The following NPAS3 variants were observed in gnomAD, a reference collection of about 807,000 sequenced individuals.
NPAS3 encodes neuronal PAS domain protein 3.
A neutral mutation model predicts 73.1 loss-of-function variants in NPAS3; 14 were observed. That is an observed-to-expected ratio of 0.19 (90% CI 0.13 to 0.30). The LOEUF (loss-of-function observed/expected upper bound fraction) is 0.30, where lower values mean the gene tolerates loss of function less well. Among genes scored for constraint, NPAS3 ranks in the 10% least tolerant of loss-of-function variants. The pLI, the probability that NPAS3 is intolerant of heterozygous loss-of-function variation, is 1.00. For synonymous variants in NPAS3, 620 were observed against 541.5 expected (o/e 1.14, Z -2.01); for missense variants, 1,096 against 1,250.0 (o/e 0.88, Z 1.86).
intron 5 of NPAS3, among the ~76,000 whole-genome samples, chr14:33,660,463 GT>G (rs1459793102): frequency 1.3e-5 from 2 of 152,100 alleles, no homozygotes; most frequent in Non-Finnish European, 2.9e-5. Context: ...TTTTGATTTT[GT>G]TTTGTGTTTT....
At chr14:33,210,235 T>TC (rs1376186387) in intron 2 of NPAS3, among the ~76,000 whole-genome samples, 10 of 152,230 alleles carry the variant, frequency 6.6e-5, no homozygotes, top group South Asian at 2.1e-4. Flanking sequence ...TATCTTTTTT[T>TC]CCCACTGTGG....
intron 4 of NPAS3, among the ~76,000 whole-genome samples, chr14:33,431,506 C>A (rs1169302980): frequency 2.6e-5 from 4 of 152,088 alleles, no homozygotes; most frequent in Non-Finnish European, 5.9e-5. Flanking sequence ...ATTCATGTAT[C>A]CTGATTCTAG....
chr14:33,299,067 G>T (rs2042419565), intron 3 of NPAS3, among the ~76,000 whole-genome samples: 1 of 152,158 alleles, frequency 6.6e-6, no homozygotes, highest in Non-Finnish European at 1.5e-5. Context: ...CCTTCTCATG[G>T]ATTCTTGCCT....
rs2049364338 is a variant in NPAS3 at position 33,443,888 on chromosome 14, G to A, written c.468+76620G>A. Among the ~76,000 whole-genome samples the A allele has an allele frequency of 2.0e-5, 3 of 152,172 alleles. No individual in the cohort carries two copies. In the South Asian group the frequency reaches 6.2e-4, roughly 32 times the overall value. ...TGGAAACTGTGTCAAGGGTGACTGAGACCTGCTTCTGGTATGAGAAAGTTA... is the reference window on the plus strand; with the variant it reads ...TGGAAACTGTGTCAAGGGTGACTGAAACCTGCTTCTGGTATGAGAAAGTTA... On this transcript the variant is annotated intron_variant, in intron 4 of 11. Transcript: ENST00000356141.
intron 5 of NPAS3, among the ~76,000 whole-genome samples, chr14:33,664,549 C>A (rs1359932211): frequency 1.3e-5 from 2 of 152,148 alleles, no homozygotes; most frequent in East Asian, 3.9e-4. Context: ...AGCTTCTGCA[C>A]AGCAAAAGAA....
chr14:33,607,545 G>A (rs1379134908), intron 5 of NPAS3, among the ~76,000 whole-genome samples: 18 of 152,164 alleles, frequency 1.2e-4, no homozygotes, highest in Admixed American at 1.2e-3. Context: ...TTAGAAAAAG[G>A]CATGAGGAAA....
At chr14:33,556,194 G>GT (rs2055352129) in intron 4 of NPAS3, among the ~76,000 whole-genome samples, 2 of 152,142 alleles carry the variant, frequency 1.3e-5, no homozygotes, top group South Asian at 4.1e-4. Flanking sequence ...AAATATTTTA[G>GT]TAAGTACATG....
At chr14:33,520,268 G>A (rs2053497399) in intron 4 of NPAS3, among the ~76,000 whole-genome samples, 1 of 152,128 alleles carries the variant, frequency 6.6e-6, no homozygotes, top group African/African-American at 2.4e-5. Context: ...CTACGTTTCA[G>A]TGGTGTGTGG....
chr14:32,938,734 C>G (rs1279903208), upstream of NPAS3, among the ~76,000 whole-genome samples: 1 of 147,150 alleles, frequency 6.8e-6, no homozygotes, highest in African/African-American at 2.5e-5. Context: ...AAAGGGGTGA[C>G]GGGGGACGGG....
In NPAS3 at chr14:33,790,041, G is replaced by C. The variant is rs556298569; in HGVS notation, c.1154-3856G>C. On this transcript the variant is annotated intron_variant, in intron 9 of 11. Coordinates refer to ENST00000356141, the Ensembl canonical transcript of NPAS3. ...AGAAAAGATGCCAGGTTACATGTTA[G>C]AGGTACCTAGACCATATGACAAGGA... Among the ~76,000 whole-genome samples the C allele has an allele frequency of 2.4e-4, 37 of 152,308 alleles. No homozygotes were observed. In the South Asian group the frequency reaches 7.3e-3, roughly 30 times the overall value.
chr14:33,512,547 A>G (rs1288186641), intron 4 of NPAS3, among the ~76,000 whole-genome samples: 2 of 152,082 alleles, frequency 1.3e-5, no homozygotes, highest in Non-Finnish European at 2.9e-5. Context: ...GTGGAAAACA[A>G]TTTAATGGGG....
intron 4 of NPAS3, among the ~76,000 whole-genome samples, chr14:33,509,926 T>C (rs1022466372): frequency 6.6e-6 from 1 of 152,054 alleles, no homozygotes; most frequent in African/African-American, 2.4e-5. Flanking sequence ...TACACTTATT[T>C]TTAAACGGGG....
At chr14:33,722,205 A>T (rs534809056) in intron 6 of NPAS3, among the ~76,000 whole-genome samples, 2 of 152,220 alleles carry the variant, frequency 1.3e-5, no homozygotes, top group Non-Finnish European at 2.9e-5. Context: ...TTGGAAAGCT[A>T]TATTTGAAGA....
In NPAS3 at chr14:33,199,087, T is replaced by A. The variant is rs543241347; in HGVS notation, c.141-16095T>A. ...CTGGAACTTGCGCTGGCCTGCGAGC[T>A]CCGTGTGCAGCCCTGGTTCCTGCCC... On this transcript the variant is annotated intron_variant, in intron 2 of 11. Transcript: ENST00000356141. Among the ~76,000 whole-genome samples, 3 of 152,132 alleles carry A rather than the reference T, an allele frequency of 2.0e-5. No individual in the cohort carries two copies. In the East Asian group the frequency reaches 5.8e-4, roughly 30 times the overall value.
chr14:32,956,260 T>C (rs1255208793), intron 1 of NPAS3, among the ~76,000 whole-genome samples: 1 of 152,144 alleles, frequency 6.6e-6, no homozygotes, highest in Non-Finnish European at 1.5e-5. Context: ...ATTGAAAAAT[T>C]CGATCATGTA....
intron 2 of NPAS3, among the ~76,000 whole-genome samples, chr14:33,186,173 C>T (rs189597032): frequency 1.7e-4 from 26 of 152,228 alleles, no homozygotes; most frequent in African/African-American, 6.3e-4. Flanking sequence ...AAAAAGCATC[C>T]TTGATTGAGG....
chr14:33,418,150 G>A (rs1221168691), intron 4 of NPAS3, among the ~76,000 whole-genome samples: 1 of 151,688 alleles, frequency 6.6e-6, no homozygotes, highest in Non-Finnish European at 1.5e-5. Flanking sequence ...TGTCCTCCAA[G>A]AGCATGCCCC....
intron 4 of NPAS3, among the ~76,000 whole-genome samples, chr14:33,418,549 CT>C (rs1220438769): frequency 6.6e-6 from 1 of 151,964 alleles, no homozygotes; most frequent in African/African-American, 2.4e-5. Context: ...TTTGCTTCCC[CT>C]CTCTTACATT....
At chr14:33,069,771 G>C (rs2041418558) in intron 2 of NPAS3, among the ~76,000 whole-genome samples, 1 of 152,174 alleles carries the variant, frequency 6.6e-6, no homozygotes, top group South Asian at 2.1e-4. Context: ...GGAAAAAATA[G>C]CTAAAAGAGG....
Sources: gnomAD v4.1 joint callset for allele counts (sites outside exome capture counted in the v4.1 genomes callset) on GRCh38, gnomAD v4.1.1 for gene constraint, MANE v1.5 for transcripts, NCBI Gene and HGNC (gene_info 2026-07-23, HGNC 2026-07-21) for gene names.